PABPC4L: variants seen among roughly 807,000 people sequenced by gnomAD.
PABPC4L encodes poly(A) binding protein cytoplasmic 4 like, also known as polyadenylate-binding protein 4-like.
For synonymous variants in PABPC4L, 169 were observed against 164.1 expected (o/e 1.03, Z -0.23); for missense variants, 452 against 451.4 (o/e 1.00, Z -0.01).
chr4:134,037,635 A>C, the PABPC4L span, among the ~76,000 whole-genome samples: 1 of 152,162 alleles, frequency 6.6e-6, no homozygotes, highest in African/African-American at 2.4e-5. Flanking sequence ...GAAGATATAC[A>C]AATGGTTAAT....
At chr4:134,162,512 A>G in the PABPC4L span, among the ~76,000 whole-genome samples, 2 of 151,856 alleles carry the variant, frequency 1.3e-5, no homozygotes, top group Non-Finnish European at 2.9e-5. Context: ...TAGAACAAAC[A>G]GAACTAACAG....
chr4:134,144,290 A>T, the PABPC4L span, among the ~76,000 whole-genome samples: 1 of 151,612 alleles, frequency 6.6e-6, no homozygotes, highest in Non-Finnish European at 1.5e-5. Flanking sequence ...TAACTTCCTT[A>T]TCATTATTCC....
chr4:133,966,264 C>T, the PABPC4L span, among the ~76,000 whole-genome samples: 7 of 152,238 alleles, frequency 4.6e-5, no homozygotes, highest in South Asian at 2.1e-4. Flanking sequence ...CAATGTGATA[C>T]CACATTACTT....
chr4:134,042,068 T>TAC, the PABPC4L span, among the ~76,000 whole-genome samples: 2 of 152,198 alleles, frequency 1.3e-5, no homozygotes, highest in Non-Finnish European at 2.9e-5. Flanking sequence ...AATATAAATC[T>TAC]ACACACATAT....
the PABPC4L span, among the ~76,000 whole-genome samples, chr4:134,113,207 G>A: frequency 2.0e-5 from 3 of 151,890 alleles, no homozygotes; most frequent in East Asian, 1.9e-4. Context: ...GTCAGCTAAC[G>A]TTAAAGTTAA....
At chr4:134,044,886 T>G in the PABPC4L span, among the ~76,000 whole-genome samples, 1 of 152,160 alleles carries the variant, frequency 6.6e-6, no homozygotes, top group Non-Finnish European at 1.5e-5. Flanking sequence ...CTCATTTTGT[T>G]TTAACCTAAA....
the PABPC4L span, among the ~76,000 whole-genome samples, chr4:134,043,656 CA>C: frequency 6.7e-6 from 1 of 149,804 alleles, no homozygotes; most frequent in African/African-American, 2.5e-5. Flanking sequence ...TAAAACTTGC[CA>C]AAAATGTACT....
chr4:133,963,078 A>G, the PABPC4L span, among the ~76,000 whole-genome samples: 7 of 152,200 alleles, frequency 4.6e-5, no homozygotes, highest in Non-Finnish European at 1.0e-4. Context: ...CCAACTGACT[A>G]TCTGCTACCT....
chr4:134,027,582 TG>T, the PABPC4L span, among the ~76,000 whole-genome samples: 99 of 152,334 alleles, frequency 6.5e-4, no homozygotes, highest in Middle Eastern at 3.4e-3. Context: ...TCCAATCTTT[TG>T]GGTAAATACC....
At chr4:134,011,886 G>A in the PABPC4L span, among the ~76,000 whole-genome samples, 1 of 152,108 alleles carries the variant, frequency 6.6e-6, no homozygotes, top group African/African-American at 2.4e-5. Flanking sequence ...GTTCATCACA[G>A]CATTGATTGT....
chr4:134,023,157 C>T, the PABPC4L span, among the ~76,000 whole-genome samples: 1 of 152,068 alleles, frequency 6.6e-6, no homozygotes, highest in Non-Finnish European at 1.5e-5. Context: ...TTATTGCCCA[C>T]TCTGATTCTG....
chr4:134,118,785 C>T, the PABPC4L span, among the ~76,000 whole-genome samples: 1 of 151,696 alleles, frequency 6.6e-6, no homozygotes, highest in Non-Finnish European at 1.5e-5. Flanking sequence ...ATAGCATGTT[C>T]TCAATTAGTA....
chr4:133,973,887 T>C, the PABPC4L span, among the ~76,000 whole-genome samples: 1 of 152,144 alleles, frequency 6.6e-6, no homozygotes, highest in African/African-American at 2.4e-5. Flanking sequence ...GTTATATGTC[T>C]ATAGGTCCTT....
At chr4:133,986,412 A>C in the PABPC4L span, among the ~76,000 whole-genome samples, 1 of 152,098 alleles carries the variant, frequency 6.6e-6, no homozygotes, top group African/African-American at 2.4e-5. Context: ...AGTTAGAAAA[A>C]AGCACTATTT....
the PABPC4L span, among the ~76,000 whole-genome samples, chr4:134,083,779 T>C: frequency 6.6e-6 from 1 of 152,192 alleles, no homozygotes; most frequent in Non-Finnish European, 1.5e-5. Flanking sequence ...ATCATCAGAA[T>C]AATACATACA....
the PABPC4L span, among the ~76,000 whole-genome samples, chr4:134,052,355 T>C: frequency 6.6e-6 from 1 of 152,124 alleles, no homozygotes; most frequent in Non-Finnish European, 1.5e-5. Flanking sequence ...GTCTACACAG[T>C]GAAGTTGTAT....
At chr4:134,031,880 G>A in the PABPC4L span, among the ~76,000 whole-genome samples, 179 of 151,972 alleles carry the variant, frequency 1.2e-3, no homozygotes, top group African/African-American at 3.9e-3. Context: ...CAGACAGAAT[G>A]AGGAGAAATT....
At chr4:134,104,805 C>A in the PABPC4L span, among the ~76,000 whole-genome samples, 1 of 151,674 alleles carries the variant, frequency 6.6e-6, no homozygotes, top group Non-Finnish European at 1.5e-5. Context: ...AATAAGTCAA[C>A]ATCTATGGCA....
At chr4:134,045,376 G>C in the PABPC4L span, among the ~76,000 whole-genome samples, 57 of 152,222 alleles carry the variant, frequency 3.7e-4, no homozygotes, top group Non-Finnish European at 7.1e-4. Flanking sequence ...CGGTTTGGAA[G>C]TGCATAGGAA....
Sources: allele counts gnomAD v4.1 joint callset (sites outside exome capture counted in the v4.1 genomes callset), GRCh38; gene constraint gnomAD v4.1.1; transcripts MANE v1.5; gene names NCBI Gene and HGNC (gene_info 2026-07-23, HGNC 2026-07-21).